Variants in XIRP2 observed in about 807,000 individuals in gnomAD.
XIRP2 encodes the protein xin actin-binding repeat-containing protein 2.
XIRP2 carries 236 observed loss-of-function variants against 277.0 expected under a neutral mutation model. That is an observed-to-expected ratio of 0.85 (90% CI 0.77 to 0.95). The LOEUF (loss-of-function observed/expected upper bound fraction) is 0.95, where lower values mean the gene tolerates loss of function less well. Among genes scored for constraint, XIRP2 ranks in the 40% least tolerant of loss-of-function variants. XIRP2 has a pLI of 0.00. For missense variants in XIRP2, 4,640 were observed against 4,157.5 expected (o/e 1.12, Z -3.19); for synonymous variants, 1,490 against 1,416.5 (o/e 1.05, Z -1.17).
chr2:167,059,101 C>CTTTTT (rs572437575), intron 2 of XIRP2, among the ~76,000 whole-genome samples: 5 of 95,970 alleles, frequency 5.2e-5, no homozygotes, highest in Admixed American at 1.2e-4. Flanking sequence ...TTTTTTTTCT[C>CTTTTT]TTTTTTTTTT....
rs181582674 is a variant in XIRP2 at position 167,155,591 on chromosome 2, G to A, written c.562+19529G>A. Among the ~76,000 whole-genome samples, 573 of 152,162 alleles carry A rather than the reference G, an allele frequency of 3.8e-3. 6 individuals carry two copies. The highest frequency in any genetic ancestry group is 0.013 in the African/African-American group (546 of 41,506). ...TCAATAAATTAGGTATTGATGGGAC[G>A]TATCTCAAAATAATAAGAGCTATCT... is the stretch of plus-strand genomic sequence containing the variant. On this transcript the variant is annotated intron_variant, in intron 3 of 10. Coordinates refer to ENST00000409195, the MANE Select transcript of XIRP2 (RefSeq NM_152381.6).
Position 166,965,582 on chromosome 2 carries a change from T to G in XIRP2, c.408+61692T>G, listed in dbSNP as rs1407048975. Among the ~76,000 whole-genome samples, 4 of 151,006 alleles carry G rather than the reference T, an allele frequency of 2.6e-5. No homozygotes were observed. The East Asian group carries it at 7.8e-4, about 29-fold the overall frequency. On this transcript the variant is annotated intron_variant, in intron 2 of 10. Coordinates refer to ENST00000409195, the MANE Select transcript of XIRP2 (RefSeq NM_152381.6). ...TAAATTTGTTTTTTTGTGTTTGTTG[T>G]TTGTTTGTTTATTTGTTTTGAGACA...
chr2:167,138,767 A>G (rs1383535785), intron 3 of XIRP2, among the ~76,000 whole-genome samples: 1 of 152,204 alleles, frequency 6.6e-6, no homozygotes, highest in Non-Finnish European at 1.5e-5. Flanking sequence ...ATACTAATAT[A>G]AAAATCTGAT....
Position 167,246,756 on chromosome 2 carries a change from A to G in XIRP2, c.5364A>G (p.Thr1788=). Residue 1788 remains threonine (T), a synonymous_variant, in exon 9 of 11, where the codon ACA becomes ACG. Transcript: ENST00000409195. ...TCATTGGTGGTGATGTTGAAGGTAC[A>G]AAACTGTTACTGAAGAAAAGGCAGT... The part of the protein sequence containing the change: ...KEIIGGDVEG[T]KLLLKKRQSL... 6.2e-7 allele frequency: 1 copy of G among 1,613,856 alleles called. No individual in the cohort carries two copies. Among genetic ancestry groups the G allele is most frequent in the South Asian group, 1.1e-5 (1 of 91,078 alleles).
chr2:166,999,648 A>G lies in XIRP2; in HGVS notation c.408+95758A>G, dbSNP rs187856216. ...ATTTTACACCATGTCTTAGAATGTC[A>G]GTCATTCACCCATTTTAATTCTCGC... On this transcript the variant is annotated intron_variant, in intron 2 of 10. Transcript: ENST00000409195. Among the ~76,000 whole-genome samples, 316 of 152,266 alleles carry G rather than the reference A, an allele frequency of 2.1e-3. 6 individuals carry two copies. The highest frequency in any genetic ancestry group is 5.7e-4 in the Non-Finnish European group (39 of 68,008).
chr2:167,172,392 C>G (rs1692724780), intron 3 of XIRP2, among the ~76,000 whole-genome samples: 1 of 152,112 alleles, frequency 6.6e-6, no homozygotes. Flanking sequence ...TCATTGATAA[C>G]CTCTTATCAG....
chr2:167,094,067 G>T (rs1481374785), intron 2 of XIRP2, among the ~76,000 whole-genome samples: 1 of 151,664 alleles, frequency 6.6e-6, no homozygotes, highest in East Asian at 1.9e-4. Context: ...CTAATGATCA[G>T]TGATGATGAG....
intron 2 of XIRP2, among the ~76,000 whole-genome samples, chr2:166,912,453 C>T (rs950813255): frequency 2.0e-5 from 3 of 152,190 alleles, no homozygotes; most frequent in Non-Finnish European, 4.4e-5. Flanking sequence ...TGTTTTTCAG[C>T]TCCATCAGGT....
Position 167,113,259 on chromosome 2 carries a change from T to C in XIRP2, c.409-22650T>C, listed in dbSNP as rs536916681. The stretch of plus-strand genomic sequence containing the variant: ...ATTGTCAGTGGCGTGTTAAAGTCTC[T>C]CCCTATAATTGTGTGGGAATCTAAA... On this transcript the variant is annotated intron_variant, in intron 2 of 10. Coordinates refer to ENST00000409195, the MANE Select transcript of XIRP2 (RefSeq NM_152381.6). Among the ~76,000 whole-genome samples the C allele has an allele frequency of 4.6e-5, 7 of 152,264 alleles. No homozygotes were observed. The East Asian group carries it at 1.2e-3, about 25-fold the overall frequency.
At chr2:167,166,410 C>A (rs75828185) in intron 3 of XIRP2, among the ~76,000 whole-genome samples, 6,206 of 152,078 alleles carry the variant, frequency 0.041, 135 homozygotes, top group Non-Finnish European at 0.051. Context: ...TCCATGTGAA[C>A]CTGAAAAGAA....
At chr2:167,086,433 T>C (rs1433439872) in intron 2 of XIRP2, among the ~76,000 whole-genome samples, 1 of 152,120 alleles carries the variant, frequency 6.6e-6, no homozygotes, top group Non-Finnish European at 1.5e-5. Flanking sequence ...GGAGTTGCTC[T>C]TCTCAAGGAG....
At chr2:167,099,762 A>C (rs928819250) in intron 2 of XIRP2, among the ~76,000 whole-genome samples, 1 of 151,922 alleles carries the variant, frequency 6.6e-6, no homozygotes, top group Non-Finnish European at 1.5e-5. Flanking sequence ...TATGAGAGGG[A>C]GTTCCCTGAC....
chr2:167,180,539 G>T (rs2105356706), intron 3 of XIRP2, among the ~76,000 whole-genome samples: 1 of 152,202 alleles, frequency 6.6e-6, no homozygotes, highest in Non-Finnish European at 1.5e-5. Flanking sequence ...AGTCTTCACT[G>T]TTTTCGTTAT....
At chr2:166,971,969 T>C (rs1172911128) in intron 2 of XIRP2, among the ~76,000 whole-genome samples, 4 of 152,120 alleles carry the variant, frequency 2.6e-5, no homozygotes, top group Non-Finnish European at 5.9e-5. Flanking sequence ...ACATTTGCTA[T>C]GGACTGAATG....
chr2:167,222,077 T>G lies in XIRP2; in HGVS notation c.858+3777T>G, dbSNP rs190227634. ...CCTAAACAAATTTTGATAATTAATC[T>G]ATCTCTGAGATTAAAGATCCCTTCT... On this transcript the variant is annotated intron_variant, in intron 5 of 10. Transcript: ENST00000409195. Among the ~76,000 whole-genome samples, 10 of 152,350 alleles carry G rather than the reference T, an allele frequency of 6.6e-5. No individual in the cohort carries two copies. In the East Asian group the frequency reaches 1.9e-3, roughly 29 times the overall value.
At chr2:167,123,991 G>A (rs1231969174) in intron 2 of XIRP2, 2 of 152,154 alleles carry the variant, frequency 1.3e-5, no homozygotes, top group Non-Finnish European at 2.9e-5. Context: ...GCCTGTAGGA[G>A]TGACAAGGAT....
intron 2 of XIRP2, among the ~76,000 whole-genome samples, chr2:167,027,367 G>A (rs1334223845): frequency 6.6e-6 from 1 of 151,904 alleles, no homozygotes; most frequent in African/African-American, 2.4e-5. Flanking sequence ...TCTCCTTTAA[G>A]GACTTCTCTG....
intron 10 of XIRP2, 134 bp from the exon 11 acceptor site, chr2:167,257,723 T>C: frequency 2.5e-6 from 2 of 795,240 alleles, no homozygotes; most frequent in East Asian, 2.7e-5. Context: ...ACAGAAATGT[T>C]CAACTAATAG....
chr2:167,029,680 G>A (rs1392478739), intron 2 of XIRP2, among the ~76,000 whole-genome samples: 2 of 152,040 alleles, frequency 1.3e-5, no homozygotes, highest in East Asian at 3.9e-4. Context: ...TTGTTGTTGT[G>A]TCTCTACCAG....
Sources: allele counts gnomAD v4.1 joint callset (sites outside exome capture counted in the v4.1 genomes callset), GRCh38; gene constraint gnomAD v4.1.1; transcripts MANE v1.5; gene names NCBI Gene and HGNC (gene_info 2026-07-23, HGNC 2026-07-21).